ANKS1B: variants seen among roughly 807,000 people sequenced by gnomAD.
The protein encoded by ANKS1B is ankyrin repeat and sterile alpha motif domain containing 1B.
A neutral mutation model predicts 148.3 loss-of-function variants in ANKS1B; 36 were observed. The ratio of observed to expected loss-of-function variants is 0.24; its 90% CI spans 0.19 to 0.32. The LOEUF (loss-of-function observed/expected upper bound fraction) is 0.32. Ranked by LOEUF, ANKS1B falls within the 10% of genes least tolerant of loss-of-function variation. ANKS1B has a pLI of 1.00. For missense variants in ANKS1B, 1,157 were observed against 1,542.6 expected (o/e 0.75, Z 4.19); for synonymous variants, 542 against 560.8 (o/e 0.97, Z 0.47).
At chr12:99,070,824 T>C (rs909005877) in intron 16 of ANKS1B, among the ~76,000 whole-genome samples, 1 of 152,086 alleles carries the variant, frequency 6.6e-6, no homozygotes, top group African/African-American at 2.4e-5. Flanking sequence ...CCACCATGCC[T>C]GGCTAATTTT....
intron 15 of ANKS1B, among the ~76,000 whole-genome samples, chr12:99,121,095 T>A (rs928020519): frequency 7.3e-6 from 1 of 136,846 alleles, no homozygotes; most frequent in Admixed American, 7.1e-5. Context: ...AAATTTAGAC[T>A]TTTTTTTTTT....
chr12:99,194,002 A>T (rs2081084036), intron 14 of ANKS1B, among the ~76,000 whole-genome samples: 1 of 151,402 alleles, frequency 6.6e-6, no homozygotes, highest in South Asian at 2.1e-4. Context: ...GGGTTTCATC[A>T]TGTTGGCCAG....
chr12:99,182,318 G>A (rs1164835078), intron 14 of ANKS1B, among the ~76,000 whole-genome samples: 2 of 152,066 alleles, frequency 1.3e-5, no homozygotes, highest in Non-Finnish European at 2.9e-5. Flanking sequence ...GATTTGGGTG[G>A]GGACACAGAG....
intron 1 of ANKS1B, among the ~76,000 whole-genome samples, chr12:99,929,851 G>T (rs7310231): frequency 0.6 from 89,643 of 149,680 alleles, 27,967 homozygotes; most frequent in Middle Eastern, 0.7. Flanking sequence ...TGTTCCATTG[G>T]TCTATATCTC....
At chr12:99,361,597 C>T in intron 12 of ANKS1B, among the ~76,000 whole-genome samples, 1 of 151,980 alleles carries the variant, frequency 6.6e-6, no homozygotes, top group East Asian at 1.9e-4. Flanking sequence ...TGGAGTCAAC[C>T]TTCTAGCAGT....
At chr12:99,648,917 T>A in intron 9 of ANKS1B, 1 of 1,308,254 alleles carries the variant, frequency 7.6e-7, no homozygotes, top group Non-Finnish European at 1.0e-6. Flanking sequence ...GAAGGCCAAA[T>A]GAGCTTCCAT....
intron 9 of ANKS1B, among the ~76,000 whole-genome samples, chr12:99,555,558 T>G (rs2097267351): frequency 6.6e-6 from 1 of 152,170 alleles, no homozygotes; most frequent in Non-Finnish European, 1.5e-5. Flanking sequence ...GCATTCAGTA[T>G]GATGTTGGTT....
chr12:99,771,625 T>G (rs757838110), intron 8 of ANKS1B, among the ~76,000 whole-genome samples: 1 of 152,126 alleles, frequency 6.6e-6, no homozygotes, highest in African/African-American at 2.4e-5. Flanking sequence ...GTTACTATTA[T>G]AAATTATTTC....
At chr12:99,394,905 T>C (rs947857811) in intron 12 of ANKS1B, among the ~76,000 whole-genome samples, 1 of 147,974 alleles carries the variant, frequency 6.8e-6, no homozygotes, top group African/African-American at 2.5e-5. Flanking sequence ...TCCTGGTATT[T>C]CTCACTGTTT....
At chr12:98,886,658 TAGCTATGTTATTA>T (rs1436675432) in intron 17 of ANKS1B, among the ~76,000 whole-genome samples, 3 of 152,212 alleles carry the variant, frequency 2.0e-5, no homozygotes, top group African/African-American at 7.2e-5. Context: ...CCACATATCT[TAGCTATGTTATTA>T]AGCTATGTGG....
At chr12:99,310,730 G>A (rs2083024710) in intron 12 of ANKS1B, among the ~76,000 whole-genome samples, 1 of 152,150 alleles carries the variant, frequency 6.6e-6, no homozygotes, top group Admixed American at 6.6e-5. Flanking sequence ...GATCTTGGGA[G>A]TTGCCTGCTT....
chr12:99,437,838 C>T (rs1018376889), intron 11 of ANKS1B, among the ~76,000 whole-genome samples: 18 of 151,824 alleles, frequency 1.2e-4, no homozygotes, highest in Admixed American at 1.1e-3. Context: ...TGTCATACTG[C>T]CTTATTTCCT....
At chr12:98,978,111 T>C (rs1253027473) in intron 17 of ANKS1B, among the ~76,000 whole-genome samples, 1 of 152,174 alleles carries the variant, frequency 6.6e-6, no homozygotes, top group Non-Finnish European at 1.5e-5. Flanking sequence ...TGGGTATTGC[T>C]TTTTAAATTT....
At chr12:99,655,380 C>T (rs112563321) in intron 8 of ANKS1B, among the ~76,000 whole-genome samples, 170 bp from the exon 9 acceptor site, 95 of 151,810 alleles carry the variant, frequency 6.3e-4, no homozygotes, top group African/African-American at 2.2e-3. Flanking sequence ...TATGTATAGT[C>T]CAACTTAAGT....
intron 10 of ANKS1B, among the ~76,000 whole-genome samples, chr12:99,478,801 T>C (rs2096366190): frequency 6.6e-6 from 1 of 152,094 alleles, no homozygotes; most frequent in South Asian, 2.1e-4. Flanking sequence ...TGATAAAACA[T>C]TAATTTTGAT....
chr12:99,929,277 T>G (rs1441182113), intron 1 of ANKS1B, among the ~76,000 whole-genome samples: 1 of 152,210 alleles, frequency 6.6e-6, no homozygotes, highest in East Asian at 1.9e-4. Flanking sequence ...ATGTGTTTTT[T>G]GGCTGCATAA....
intron 9 of ANKS1B, among the ~76,000 whole-genome samples, chr12:99,570,945 A>G (rs1305700212): frequency 6.6e-6 from 1 of 152,178 alleles, no homozygotes; most frequent in African/African-American, 2.4e-5. Flanking sequence ...CTTGTTAGGC[A>G]TCTTGCCAAA....
intron 15 of ANKS1B, among the ~76,000 whole-genome samples, chr12:99,109,077 G>T (rs930388197): frequency 6.6e-6 from 1 of 152,034 alleles, no homozygotes; most frequent in East Asian, 1.9e-4. Context: ...TTCTCTTCTC[G>T]CTCTGATACC....
At chr12:99,368,401 A>G (rs2092904702) in intron 12 of ANKS1B, among the ~76,000 whole-genome samples, 1 of 152,122 alleles carries the variant, frequency 6.6e-6, no homozygotes, top group Admixed American at 6.5e-5. Flanking sequence ...TTAGAAAAAA[A>G]TAAAATAATT....
Sources: allele counts gnomAD v4.1 joint callset (sites outside exome capture counted in the v4.1 genomes callset), GRCh38; gene constraint gnomAD v4.1.1; transcripts MANE v1.5; gene names NCBI Gene and HGNC (gene_info 2026-07-23, HGNC 2026-07-21).